KANSL1: variants seen among roughly 807,000 people sequenced by gnomAD.
The protein encoded by KANSL1 is KAT8 regulatory NSL complex subunit 1.
KANSL1 carries 22 observed loss-of-function variants against 103.6 expected under a neutral mutation model. The observed-to-expected ratio is 0.21, with a 90% CI of 0.15 to 0.30. The LOEUF (loss-of-function observed/expected upper bound fraction) is 0.30, where lower values mean the gene tolerates loss of function less well. Among genes scored for constraint, KANSL1 ranks in the 10% least tolerant of loss-of-function variants. KANSL1 has a pLI of 1.00. For missense variants in KANSL1, 1,337 were observed against 1,399.8 expected (o/e 0.96, Z 0.72); for synonymous variants, 600 against 527.6 (o/e 1.14, Z -1.88).
intron 2 of KANSL1, among the ~76,000 whole-genome samples, chr17:46,127,963 T>C (rs771558339): frequency 1.5e-4 from 23 of 151,834 alleles, no homozygotes; most frequent in Non-Finnish European, 3.1e-4. Flanking sequence ...ACTACGAAGA[T>C]ACCCAAACAC....
chr17:46,208,204 A>G lies in KANSL1; in HGVS notation c.-90+15467T>C, dbSNP rs1184049380. Among the ~76,000 whole-genome samples, 8 of 152,370 alleles carry G rather than the reference A, an allele frequency of 5.3e-5. No individual in the cohort carries two copies. The East Asian group carries it at 1.5e-3, about 29-fold the overall frequency. On this transcript the variant is annotated intron_variant, in intron 1 of 14. Transcript: ENST00000572904. ...ATAATCTACTTCTTCAAGTCATGCTATCAATTTGCACCAAAATTTTCATTT... is the reference window on the plus strand; with the variant it reads ...ATAATCTACTTCTTCAAGTCATGCTGTCAATTTGCACCAAAATTTTCATTT...
intron 10 of KANSL1, chr17:46,038,200 G>C: frequency 4.0e-6 from 1 of 249,530 alleles, no homozygotes; most frequent in Non-Finnish European, 7.6e-6. Flanking sequence ...AACAGGATTA[G>C]GGCCACGGAA....
At chr17:46,099,558 A>G (rs2042225173) in intron 2 of KANSL1, among the ~76,000 whole-genome samples, 1 of 152,242 alleles carries the variant, frequency 6.6e-6, no homozygotes, top group South Asian at 2.1e-4. Context: ...TTTAAATACA[A>G]TGAGGACTTG....
At chr17:46,198,361 C>T (rs780091707), upstream of KANSL1, among the ~76,000 whole-genome samples, 3 of 148,490 alleles carry the variant, frequency 2.0e-5, no homozygotes, top group Non-Finnish European at 4.4e-5. Context: ...CAAAAATCAG[C>T]ACCTCTTTCC....
intron 6 of KANSL1, among the ~76,000 whole-genome samples, chr17:46,061,982 C>G (rs1487212288): frequency 6.6e-6 from 1 of 151,344 alleles, no homozygotes; most frequent in Non-Finnish European, 1.5e-5. Context: ...ATCCCAGCTA[C>G]TCAGGAGGCT....
intron 10 of KANSL1, 22 bp from the exon 11 acceptor site, chr17:46,034,307 T>C: frequency 6.2e-7 from 1 of 1,612,478 alleles, no homozygotes; most frequent in African/African-American, 1.3e-5. Context: ...AAATTAAGTT[T>C]AAAAGGAAGG....
At chr17:46,082,086 T>C (rs2079007248) in intron 4 of KANSL1, among the ~76,000 whole-genome samples, 1 of 152,148 alleles carries the variant, frequency 6.6e-6, no homozygotes, top group Non-Finnish European at 1.5e-5. Context: ...AACCTTTTAA[T>C]GAAAAGGCTA....
chr17:46,098,678 C>G (rs1367565823), intron 2 of KANSL1, among the ~76,000 whole-genome samples: 6 of 152,214 alleles, frequency 3.9e-5, no homozygotes, highest in Non-Finnish European at 4.4e-5. Flanking sequence ...GGAATACTAA[C>G]AATTCCCAAT....
At chr17:46,130,245 G>A (rs1474996913) in intron 2 of KANSL1, among the ~76,000 whole-genome samples, 1 of 149,278 alleles carries the variant, frequency 6.7e-6, no homozygotes, top group Non-Finnish European at 1.5e-5. Flanking sequence ...CATGAATGCT[G>A]GAGACCCACA....
intron 6 of KANSL1, among the ~76,000 whole-genome samples, chr17:46,055,972 A>G (rs1054250797): frequency 9.9e-5 from 15 of 152,202 alleles, no homozygotes; most frequent in Admixed American, 2.0e-4. Flanking sequence ...ACCAAAATTA[A>G]TTCTAAATAA....
At chr17:46,190,921 C>T (rs947988782) in intron 1 of KANSL1, among the ~76,000 whole-genome samples, 1 of 152,204 alleles carries the variant, frequency 6.6e-6, no homozygotes, top group African/African-American at 2.4e-5. Flanking sequence ...CATCACACTG[C>T]ACATATCACA....
At chr17:46,197,104 A>G (rs545546531), upstream of KANSL1, among the ~76,000 whole-genome samples, 22 of 152,176 alleles carry the variant, frequency 1.4e-4, no homozygotes, top group East Asian at 5.8e-4. Context: ...ACAGAGCAAC[A>G]CCCCGTCTCC....
At chr17:46,083,832 C>T (rs1568428548) in intron 3 of KANSL1, among the ~76,000 whole-genome samples, 1 of 152,112 alleles carries the variant, frequency 6.6e-6, no homozygotes, top group Non-Finnish European at 1.5e-5. Flanking sequence ...GGGATTGTGA[C>T]TATTAGTCTT....
chr17:46,203,411 A>C (rs2047867597), intron 1 of KANSL1, among the ~76,000 whole-genome samples: 1 of 152,218 alleles, frequency 6.6e-6, no homozygotes, highest in Admixed American at 6.5e-5. Context: ...AATGTGAATG[A>C]TTATCTTCAA....
intron 1 of KANSL1, among the ~76,000 whole-genome samples, chr17:46,201,591 G>A (rs542112048): frequency 2.1e-4 from 32 of 152,184 alleles, no homozygotes; most frequent in African/African-American, 7.5e-4. Context: ...TATAAAACTG[G>A]TCGGTTGTGG....
intron 2 of KANSL1, among the ~76,000 whole-genome samples, chr17:46,154,766 G>A (rs2045323868): frequency 6.6e-6 from 1 of 152,210 alleles, no homozygotes; most frequent in Non-Finnish European, 1.5e-5. Context: ...TGGGGGGAAG[G>A]AGTAAACAAT....
At chr17:46,174,421 G>A (rs574583767) in intron 1 of KANSL1, among the ~76,000 whole-genome samples, 5 of 152,328 alleles carry the variant, frequency 3.3e-5, no homozygotes, top group African/African-American at 1.2e-4. Context: ...CTGACCTCAT[G>A]ATCCGCCCAC....
At chr17:46,056,158 T>TG (rs1358481795) in intron 6 of KANSL1, among the ~76,000 whole-genome samples, 2 of 152,150 alleles carry the variant, frequency 1.3e-5, no homozygotes, top group Non-Finnish European at 2.9e-5. Flanking sequence ...CCACCAAGCC[T>TG]GGCTAATTTC....
intron 7 of KANSL1, chr17:46,050,185 G>C: frequency 4.8e-6 from 1 of 210,374 alleles, no homozygotes; most frequent in South Asian, 1.0e-4. Flanking sequence ...CAAAGTGCTG[G>C]GATTACAGGC....
Sources: gnomAD v4.1 joint callset for allele counts (sites outside exome capture counted in the v4.1 genomes callset) on GRCh38, gnomAD v4.1.1 for gene constraint, MANE v1.5 for transcripts, NCBI Gene and HGNC (gene_info 2026-07-23, HGNC 2026-07-21) for gene names.